NDUFV2: variants seen among roughly 807,000 people sequenced by gnomAD.
NDUFV2 encodes NADH dehydrogenase [ubiquinone] flavoprotein 2, mitochondrial.
Under a neutral mutation model 31.6 loss-of-function variants are expected in NDUFV2, and 18 were observed. The observed-to-expected ratio is 0.57, with a 90% CI of 0.39 to 0.84. NDUFV2 has a LOEUF of 0.84. Ranked by LOEUF, NDUFV2 falls within the 40% of genes least tolerant of loss-of-function variation. NDUFV2 has a pLI of 0.00. For synonymous variants in NDUFV2, 83 were observed against 99.8 expected, an observed-to-expected ratio of 0.83 and a Z score of 1.01; for missense variants, 314 against 303.6, an observed-to-expected ratio of 1.03 and a Z score of -0.26.
rs768403602 is a variant in NDUFV2, at chr18:9,102,759, G to C, written c.16G>C (p.Ala6Pro). Residue 6 changes from alanine to proline, a missense_variant, in exon 1 of 8, where the codon GCG (alanine) becomes CCG (proline). Ala to Pro is a conservative substitution (Grantham distance 27). Coordinates refer to ENST00000318388, the MANE Select transcript of NDUFV2 (RefSeq NM_021074.5). The stretch of plus-strand genomic sequence containing the variant: ...GTGGCCCGCCATGTTCTTCTCCGCG[G>C]CGCTCCGGGCCCGGGCGGCTGGCCT... The part of the protein sequence containing the change: MFFSA[A>P]LRARAAGLTA... 6.3e-7 allele frequency: 1 copy of C among 1,587,768 alleles called. No homozygotes were observed.
In NDUFV2 at chr18:9,126,677, G is replaced by A. The variant is rs564256884; in HGVS notation, c.580-154G>A. The A allele has an allele frequency of 6.0e-6, 4 of 667,250 alleles. No homozygotes were observed. The South Asian group carries it at 6.9e-5, about 11-fold the overall frequency. The allele number at this position is 667,250 out of a possible 1,614,324, so 41.3% of individuals were successfully genotyped here. On this transcript the variant is annotated intron_variant, in intron 6 of 7. Transcript: ENST00000318388. ...GTGCCATGCGTGGTGGTTCATACCT[G>A]TAATCCCAGCACTTTGGGAGGCTGA... is the stretch of plus-strand genomic sequence containing the variant.
At chr18:9,104,142 T>A (rs2077829105) in intron 1 of NDUFV2, 1 of 1,612,346 alleles carries the variant, frequency 6.2e-7, no homozygotes, top group African/African-American at 1.3e-5. Flanking sequence ...GGTCCGAGGG[T>A]ATTCTAGGTG....
At chr18:9,121,375 T>C (rs1324763408) in intron 4 of NDUFV2, 1 of 152,118 alleles carries the variant, frequency 6.6e-6, no homozygotes, top group Non-Finnish European at 1.5e-5. Flanking sequence ...CATTCCAGAT[T>C]TATTATTCCT....
intron 1 of NDUFV2, among the ~76,000 whole-genome samples, chr18:9,113,075 CTCAGCTCCAG>C (rs2077879887): frequency 6.6e-6 from 1 of 152,154 alleles, no homozygotes; most frequent in African/African-American, 2.4e-5. Context: ...CAGTTAAAAG[CTCAGCTCCAG>C]AGCCTGTTTC....
intron 7 of NDUFV2, among the ~76,000 whole-genome samples, chr18:9,132,003 TGTA>T (rs149666906): frequency 0.022 from 3,282 of 152,266 alleles, 119 homozygotes; most frequent in African/African-American, 0.075. Context: ...GGAGGATTTT[TGTA>T]GCCTTTGTAG....
chr18:9,111,948 A>G (rs1273860349), intron 1 of NDUFV2, among the ~76,000 whole-genome samples: 1 of 151,052 alleles, frequency 6.6e-6, no homozygotes, highest in Non-Finnish European at 1.5e-5. Context: ...AAATGATGAA[A>G]TTGACATTTC....
chr18:9,106,794 C>G (rs1180120434), intron 1 of NDUFV2, among the ~76,000 whole-genome samples: 1 of 152,082 alleles, frequency 6.6e-6, no homozygotes, highest in Non-Finnish European at 1.5e-5. Context: ...TTTGGAGGCT[C>G]TAGAGGTGAA....
chr18:9,121,461 C>A (rs545188647), intron 4 of NDUFV2: 1 of 151,946 alleles, frequency 6.6e-6, no homozygotes, highest in African/African-American at 2.4e-5. Context: ...TCAGAACTGC[C>A]GAATGAAATA....
intron 1 of NDUFV2, among the ~76,000 whole-genome samples, chr18:9,106,285 T>G (rs2077841522): frequency 6.6e-6 from 1 of 152,326 alleles, no homozygotes; most frequent in Non-Finnish European, 1.5e-5. Flanking sequence ...CTAAAAGATG[T>G]GAAGAAAAAA....
intron 4 of NDUFV2, among the ~76,000 whole-genome samples, chr18:9,120,750 G>A (rs945925051): frequency 4.0e-5 from 6 of 151,876 alleles, no homozygotes; most frequent in East Asian, 3.9e-4. Flanking sequence ...TTATTTCTTC[G>A]ATAAATTATG....
chr18:9,122,791 CT>C, intron 5 of NDUFV2, 110 bp downstream of exon 5: 2 of 1,016,872 alleles, frequency 2.0e-6, no homozygotes, highest in Non-Finnish European at 3.0e-6. Context: ...TGGATCTGTA[CT>C]TACCTAGTAA....
At chr18:9,115,219 G>T (rs909334375) in intron 1 of NDUFV2, among the ~76,000 whole-genome samples, 1 of 152,062 alleles carries the variant, frequency 6.6e-6, no homozygotes, top group East Asian at 1.9e-4. Context: ...CATTAACATC[G>T]TAATAAGAGA....
chr18:9,130,787 T>C (rs2078033384), intron 7 of NDUFV2, among the ~76,000 whole-genome samples: 1 of 152,200 alleles, frequency 6.6e-6, no homozygotes, highest in South Asian at 2.1e-4. Context: ...ATTAAACTGG[T>C]TCAATAGTAA....
At chr18:9,118,750 T>C (rs1036302168) in intron 2 of NDUFV2, among the ~76,000 whole-genome samples, 2 of 151,986 alleles carry the variant, frequency 1.3e-5, no homozygotes, top group African/African-American at 4.8e-5. Context: ...GCTTCTGCTC[T>C]TTTAAGAAGA....
chr18:9,126,710 G>A, intron 6 of NDUFV2, 121 bp from the exon 7 acceptor site: 2 of 833,034 alleles, frequency 2.4e-6, no homozygotes, highest in Non-Finnish European at 4.0e-6. Context: ...TGAGGTAGGA[G>A]GATTGCTTAA....
At chr18:9,126,995 A>G (rs906875315) in intron 7 of NDUFV2, 88 bp downstream of exon 7, 3 of 1,019,798 alleles carry the variant, frequency 2.9e-6, no homozygotes, top group Non-Finnish European at 4.7e-6. Context: ...TTATACCTTA[A>G]GTTCATAGGA....
At chr18:9,102,953 C>T in intron 1 of NDUFV2, 156 bp downstream of exon 1, 3 of 674,554 alleles carry the variant, frequency 4.4e-6, no homozygotes, top group South Asian at 2.3e-5. Flanking sequence ...GAGGCCGCTG[C>T]AGCCCCACCG....
chr18:9,121,095 A>T (rs568636697), intron 4 of NDUFV2, among the ~76,000 whole-genome samples: 14 of 152,186 alleles, frequency 9.2e-5, no homozygotes, highest in Non-Finnish European at 1.3e-4. Flanking sequence ...ATATGTATTT[A>T]TATATTGTCC....
chr18:9,124,063 T>TC (rs2144750208), intron 5 of NDUFV2, among the ~76,000 whole-genome samples: 1 of 152,232 alleles, frequency 6.6e-6, no homozygotes, highest in South Asian at 2.1e-4. Context: ...AAAATGAAAA[T>TC]AATACAGCCT....
Sources: gnomAD v4.1 joint callset for allele counts (sites outside exome capture counted in the v4.1 genomes callset) on GRCh38, gnomAD v4.1.1 for gene constraint, MANE v1.5 for transcripts, NCBI Gene and HGNC (gene_info 2026-07-23, HGNC 2026-07-21) for gene names.